CDH22: variants seen among roughly 807,000 people sequenced by gnomAD.
CDH22 encodes cadherin 22, also known as cadherin-22.
In CDH22, 30 loss-of-function variants were observed where a neutral mutation model predicts 58.4. That is an observed-to-expected ratio of 0.51 (90% CI 0.38 to 0.70). The LOEUF is 0.70. Among genes scored for constraint, CDH22 ranks in the 30% least tolerant of loss-of-function variants. The pLI, the probability that CDH22 is intolerant of heterozygous loss-of-function variation, is 0.00. For synonymous variants in CDH22, 513 were observed against 558.2 expected (o/e 0.92, Z 1.14); for missense variants, 1,014 against 1,233.9 (o/e 0.82, Z 2.67).
chr20:46,286,772 T>G (rs2145773112), intron 1 of CDH22, among the ~76,000 whole-genome samples: 1 of 152,258 alleles, frequency 6.6e-6, no homozygotes, highest in South Asian at 2.1e-4. Context: ...AGCCAGCTGC[T>G]ATATCTGTCT....
At position 46,251,318 on chromosome 20, in the gene CDH22, C is replaced by A; in HGVS notation, c.-24G>T. Reference sequence around the variant, plus strand: ...ATCCTTGGCCTGCGCGGGGCTGGGGCCCAGGAGCATGGACGAGAGGCACCA... The same window carrying A: ...ATCCTTGGCCTGCGCGGGGCTGGGGACCAGGAGCATGGACGAGAGGCACCA... On this transcript the variant is annotated 5_prime_UTR_variant, in exon 2 of 12. Transcript: ENST00000537909. The surrounding 1 kb of genome is among the most constrained non-coding windows in gnomAD (Gnocchi z 6.7). 7.0e-7 allele frequency: 1 copy of A among 1,430,542 alleles called. No individual in the cohort carries two copies. The highest frequency in any genetic ancestry group is 9.1e-7 in the Non-Finnish European group (1 of 1,101,190). The allele number at this position is 1,430,542 out of a possible 1,614,324, so 88.6% of individuals were successfully genotyped here.
Position 46,210,070 on chromosome 20 carries a change from T to G in CDH22, c.1286+237A>C. The G allele has an allele frequency of 2.4e-6, 1 of 424,452 alleles. No homozygotes were observed. Among genetic ancestry groups the G allele is most frequent in the Non-Finnish European group, 4.2e-6 (1 of 240,004 alleles). The allele number at this position is 424,452 out of a possible 1,614,324, so 26.3% of individuals were successfully genotyped here. On this transcript the variant is annotated intron_variant, in intron 7 of 11. Coordinates refer to ENST00000537909, the MANE Select transcript of CDH22 (RefSeq NM_021248.3). This position sits in a 1 kb window ranked among gnomAD's most constrained non-coding sequence, Gnocchi z 4.5. ...GTCTGTCCCTCCTGGTTCTCTCCCT[T>G]ATTGGCCTGGCTCGCCTGCCTGTCT...
At position 46,209,367 on chromosome 20, in the gene CDH22, A is replaced by G. The variant is rs1016001793; in HGVS notation, c.1286+940T>C. Among the ~76,000 whole-genome samples the G allele has an allele frequency of 2.6e-5, 4 of 152,028 alleles. No individual in the cohort carries two copies. In the East Asian group the frequency reaches 5.8e-4, roughly 22 times the overall value. On this transcript the variant is annotated intron_variant, in intron 7 of 11. Transcript: ENST00000537909. ...GTGTGGTTGCAGCAGAGTGGACTGG[A>G]AAGGAGAGGGAGGTGTGGTCTGAGA...
intron 8 of CDH22, among the ~76,000 whole-genome samples, chr20:46,198,894 C>G (rs2085931184): frequency 6.6e-6 from 1 of 152,146 alleles, no homozygotes; most frequent in African/African-American, 2.4e-5. Context: ...CTTAGATGTT[C>G]CCCTAAGAGA....
intron 1 of CDH22, among the ~76,000 whole-genome samples, chr20:46,279,694 A>G (rs1023873554): frequency 1.3e-5 from 2 of 152,206 alleles, no homozygotes; most frequent in Admixed American, 6.5e-5. Flanking sequence ...AGGGGACCAG[A>G]TTGGAGGTGG....
intron 3 of CDH22, among the ~76,000 whole-genome samples, chr20:46,236,926 C>T (rs1340931101): frequency 6.6e-6 from 1 of 152,284 alleles, no homozygotes; most frequent in East Asian, 1.9e-4. Context: ...CTCCTGAGCT[C>T]AGGCAATTCA....
chr20:46,219,188 T>C (rs2086107314), intron 4 of CDH22, among the ~76,000 whole-genome samples: 1 of 152,132 alleles, frequency 6.6e-6, no homozygotes, highest in Non-Finnish European at 1.5e-5. Flanking sequence ...TTCTGCCTAA[T>C]CAAGGGTCAC....
chr20:46,284,362 T>C (rs1890719610), intron 1 of CDH22, among the ~76,000 whole-genome samples: 1 of 152,216 alleles, frequency 6.6e-6, no homozygotes, highest in Non-Finnish European at 1.5e-5. Flanking sequence ...GTTCACAACT[T>C]TCCTCAACAT....
Position 46,216,817 on chromosome 20 carries a change from C to T in CDH22, c.838+9G>A. On this transcript the variant is annotated intron_variant, in intron 5 of 11. Coordinates refer to ENST00000537909, the MANE Select transcript of CDH22 (RefSeq NM_021248.3). The surrounding 1 kb of genome is among the most constrained non-coding windows in gnomAD (Gnocchi z 5.3). ...CAGACGCGCCTTCCTCTGGGAAGGC[C>T]TCACTCACTCTGCGGGAAACGGGGC... 1 of 1,589,346 alleles carries T rather than the reference C, an allele frequency of 6.3e-7. No individual in the cohort carries two copies. Among genetic ancestry groups the T allele is most frequent in the African/African-American group, 1.3e-5 (1 of 74,552 alleles).
At chr20:46,180,850 T>G (rs2085779081) in intron 10 of CDH22, among the ~76,000 whole-genome samples, 1 of 152,014 alleles carries the variant, frequency 6.6e-6, no homozygotes, top group Admixed American at 6.6e-5. Flanking sequence ...CCTCCCACCT[T>G]AGCTTCCTGA....
In CDH22 at chr20:46,241,671, G is replaced by A. The variant is rs2086291011; in HGVS notation, c.256-414C>T. Among the ~76,000 whole-genome samples the A allele has an allele frequency of 6.6e-6, 1 of 152,104 alleles. No homozygotes were observed. The highest frequency in any genetic ancestry group is 2.4e-5 in the African/African-American group (1 of 41,416). ...GTCCTTGTTTCTCTGCCCATGGAAA[G>A]TCTCTCATCCTGCAAAGTGCAACAA... On this transcript the variant is annotated intron_variant, in intron 2 of 11. Transcript: ENST00000537909. The surrounding 1 kb of genome is among the most constrained non-coding windows in gnomAD (Gnocchi z 5.2).
At chr20:46,297,850 C>T (rs549111506) in intron 1 of CDH22, among the ~76,000 whole-genome samples, 1 of 152,142 alleles carries the variant, frequency 6.6e-6, no homozygotes, top group East Asian at 1.9e-4. Context: ...TACCCAGGTG[C>T]CCTACCTCAG....
intron 2 of CDH22, among the ~76,000 whole-genome samples, chr20:46,245,441 G>A (rs1198751403): frequency 6.6e-6 from 1 of 152,130 alleles, no homozygotes; most frequent in Non-Finnish European, 1.5e-5. Context: ...TATGGACTAA[G>A]TTAGGTTTGT....
intron 1 of CDH22, among the ~76,000 whole-genome samples, chr20:46,294,592 A>G (rs542520579): frequency 1.2e-4 from 18 of 152,350 alleles, no homozygotes. Flanking sequence ...AATGGCTGCT[A>G]TGGCAACCAG....
chr20:46,248,640 T>C (rs2086348602), intron 2 of CDH22, among the ~76,000 whole-genome samples: 2 of 152,092 alleles, frequency 1.3e-5, no homozygotes, highest in South Asian at 4.2e-4. Context: ...CTGGCCAACA[T>C]GGTGAAACCT....
Position 46,281,225 on chromosome 20 carries a change from C to T in CDH22, c.-400+27030G>A, listed in dbSNP as rs573784675. The stretch of plus-strand genomic sequence containing the variant: ...GGGTGGCTTTGGAAGGGAAGCCCAG[C>T]GGTAGAGAGACTGCCTGGAGGCAGG... On this transcript the variant is annotated intron_variant, in intron 1 of 11. Coordinates refer to ENST00000537909, the MANE Select transcript of CDH22 (RefSeq NM_021248.3). Among the ~76,000 whole-genome samples the T allele has an allele frequency of 7.2e-5, 11 of 152,224 alleles. No homozygotes were observed. The South Asian group carries it at 1.0e-3, about 14-fold the overall frequency.
At chr20:46,242,157 G>C (rs1432772517) in intron 2 of CDH22, among the ~76,000 whole-genome samples, 1 of 152,190 alleles carries the variant, frequency 6.6e-6, no homozygotes, top group Non-Finnish European at 1.5e-5. Flanking sequence ...TCTAGTTAAA[G>C]ATGCTTTTTT....
chr20:46,194,193 T>TC (rs1203838978), intron 8 of CDH22, among the ~76,000 whole-genome samples: 1 of 152,000 alleles, frequency 6.6e-6, no homozygotes, highest in Admixed American at 6.5e-5. Context: ...AACTCTCAGG[T>TC]CAGTGGCCAA....
chr20:46,245,095 T>C (rs2086318962), intron 2 of CDH22, among the ~76,000 whole-genome samples: 1 of 152,116 alleles, frequency 6.6e-6, no homozygotes, highest in Admixed American at 6.5e-5. Flanking sequence ...GCTTAGTAGG[T>C]GCTCAATATA....
Sources: gnomAD v4.1 joint callset for allele counts (sites outside exome capture counted in the v4.1 genomes callset) on GRCh38, gnomAD v4.1.1 for gene constraint, Gnocchi (gnomAD v3.1) non-coding constraint, MANE v1.5 for transcripts, NCBI Gene and HGNC (gene_info 2026-07-23, HGNC 2026-07-21) for gene names.